The following CDH12 variants were observed in gnomAD, a reference collection of about 807,000 sequenced individuals.
CDH12 encodes cadherin 12, also known as cadherin-12.
In CDH12, 41 loss-of-function variants were observed where a neutral mutation model predicts 74.1. The observed-to-expected ratio is 0.55, with a 90% CI of 0.43 to 0.72. The LOEUF is 0.72. Among genes scored for constraint, CDH12 ranks in the 30% least tolerant of loss-of-function variants. The pLI is 0.00. For missense variants in CDH12, 945 were observed against 977.2 expected (o/e 0.97, Z 0.44); for synonymous variants, 399 against 355.0 (o/e 1.12, Z -1.39).
At chr5:22,005,134 G>A (rs1316366704) in intron 5 of CDH12, among the ~76,000 whole-genome samples, 1 of 152,076 alleles carries the variant, frequency 6.6e-6, no homozygotes, top group Non-Finnish European at 1.5e-5. Context: ...TTTGCCTCCT[G>A]GGTTCCAGCG....
chr5:22,588,437 C>G (rs939254269), intron 1 of CDH12, among the ~76,000 whole-genome samples: 1 of 152,038 alleles, frequency 6.6e-6, no homozygotes, highest in Admixed American at 6.6e-5. Context: ...AAATTTGCCA[C>G]TGAAGTTACC....
intron 3 of CDH12, among the ~76,000 whole-genome samples, chr5:22,325,125 T>C (rs193054093): frequency 1.3e-5 from 2 of 152,308 alleles, no homozygotes; most frequent in East Asian, 3.9e-4. Flanking sequence ...GGTGGGAGAC[T>C]TTTCTCTAAT....
At chr5:22,574,745 T>C (rs1186481967) in intron 1 of CDH12, among the ~76,000 whole-genome samples, 6 of 152,188 alleles carry the variant, frequency 3.9e-5, no homozygotes, top group African/African-American at 1.2e-4. Flanking sequence ...TCAGGTATAG[T>C]CACGGAATCA....
chr5:22,117,503 TATATATATAATATATATATA>T (rs1561129173), intron 4 of CDH12, among the ~76,000 whole-genome samples: 80 of 51,290 alleles, frequency 1.6e-3, no homozygotes, highest in African/African-American at 7.0e-3. Context: ...ATATATATAA[TATATATATAATATATATATA>T]ATATATATAT....
At chr5:22,061,989 A>G (rs1741219426) in intron 5 of CDH12, among the ~76,000 whole-genome samples, 1 of 152,168 alleles carries the variant, frequency 6.6e-6, no homozygotes, top group Non-Finnish European at 1.5e-5. Context: ...GATGTGGTTA[A>G]AAGAAAAGGA....
chr5:21,885,987 G>A (rs1019879852), intron 6 of CDH12, among the ~76,000 whole-genome samples: 1 of 152,198 alleles, frequency 6.6e-6, no homozygotes, highest in South Asian at 2.1e-4. Flanking sequence ...TATATTGTAT[G>A]TGAACTTCCT....
At chr5:22,554,522 C>A (rs1423492559) in intron 1 of CDH12, among the ~76,000 whole-genome samples, 1 of 152,034 alleles carries the variant, frequency 6.6e-6, no homozygotes, top group Non-Finnish European at 1.5e-5. Context: ...GACAAATATT[C>A]TCTTAATTCA....
At chr5:22,217,697 A>G (rs1751861909) in intron 3 of CDH12, among the ~76,000 whole-genome samples, 1 of 151,832 alleles carries the variant, frequency 6.6e-6, no homozygotes, top group Admixed American at 6.6e-5. Context: ...GACTAGAGTT[A>G]TACATATAAA....
At chr5:22,220,171 A>T (rs555693308) in intron 3 of CDH12, among the ~76,000 whole-genome samples, 90 of 151,912 alleles carry the variant, frequency 5.9e-4, no homozygotes, top group African/African-American at 2.1e-3. Flanking sequence ...ATATCTCAGG[A>T]GAGCAACATT....
At chr5:22,483,606 T>C (rs1249097937) in intron 2 of CDH12, among the ~76,000 whole-genome samples, 1 of 150,338 alleles carries the variant, frequency 6.7e-6, no homozygotes, top group African/African-American at 2.5e-5. Flanking sequence ...GAATGAGCTT[T>C]GTGAATATCT....
intron 5 of CDH12, among the ~76,000 whole-genome samples, chr5:22,057,999 T>TTCTTTCTA (rs377362967): frequency 1.3e-5 from 2 of 149,256 alleles, no homozygotes; most frequent in Non-Finnish European, 3.0e-5. Flanking sequence ...TTTCCTTGTA[T>TTCTTTCTA]TCTATCTATC....
At chr5:22,528,324 A>C (rs79960061) in intron 1 of CDH12, among the ~76,000 whole-genome samples, 6,595 of 152,160 alleles carry the variant, frequency 0.043, 474 homozygotes, top group African/African-American at 0.14. Context: ...CCATTGGCAA[A>C]GAAAACTCAT....
intron 5 of CDH12, among the ~76,000 whole-genome samples, chr5:22,042,017 A>G (rs1464042206): frequency 6.6e-6 from 1 of 152,168 alleles, no homozygotes; most frequent in Non-Finnish European, 1.5e-5. Flanking sequence ...CAGAAACCAC[A>G]CCAATACACA....
At chr5:22,698,251 A>AACT (rs1742488914) in intron 1 of CDH12, among the ~76,000 whole-genome samples, 1 of 148,306 alleles carries the variant, frequency 6.7e-6, no homozygotes, top group South Asian at 2.2e-4. Flanking sequence ...CCTCCCAAGT[A>AACT]GCTGGGATTA....
chr5:22,452,117 A>G (rs1745068600), intron 2 of CDH12, among the ~76,000 whole-genome samples: 1 of 152,008 alleles, frequency 6.6e-6, no homozygotes, highest in Non-Finnish European at 1.5e-5. Context: ...ATAAACTGGA[A>G]GAATTAATAT....
intron 6 of CDH12, among the ~76,000 whole-genome samples, chr5:21,949,110 T>G (rs1255489507): frequency 1.3e-5 from 2 of 152,198 alleles, no homozygotes; most frequent in Non-Finnish European, 2.9e-5. Flanking sequence ...TACATTTTAC[T>G]TAGTAATAAT....
chr5:22,283,536 C>A (rs1737010146), intron 3 of CDH12, among the ~76,000 whole-genome samples: 1 of 151,700 alleles, frequency 6.6e-6, no homozygotes, highest in Admixed American at 6.6e-5. Context: ...TACTGATTTT[C>A]ACTTATATGT....
At chr5:22,578,424 T>C (rs953315351) in intron 1 of CDH12, among the ~76,000 whole-genome samples, 2 of 152,038 alleles carry the variant, frequency 1.3e-5, no homozygotes, top group African/African-American at 2.4e-5. Flanking sequence ...GACAAGTTAG[T>C]AATCGAGCAA....
chr5:22,242,436 T>C (rs4540149), intron 3 of CDH12, among the ~76,000 whole-genome samples: 1,992 of 152,274 alleles, frequency 0.013, 50 homozygotes, highest in African/African-American at 0.046. Context: ...AAATTTCAGA[T>C]ACCTTGCATT....
Sources: gnomAD v4.1 joint callset for allele counts (sites outside exome capture counted in the v4.1 genomes callset) on GRCh38, gnomAD v4.1.1 for gene constraint, MANE v1.5 for transcripts, NCBI Gene and HGNC (gene_info 2026-07-23, HGNC 2026-07-21) for gene names.